SOX5: variants seen among roughly 807,000 people sequenced by gnomAD.
The protein encoded by SOX5 is SRY-box transcription factor 5.
Under a neutral mutation model 92.0 loss-of-function variants are expected in SOX5, and 9 were observed. The observed-to-expected ratio is 0.10, with a 90% CI of 0.06 to 0.17. The LOEUF is 0.17. Ranked by LOEUF, SOX5 falls within the 10% of genes least tolerant of loss-of-function variation. The probability of loss-of-function intolerance (pLI) is 1.00; values close to 1 mark genes in which losing one functional copy is unlikely to be tolerated. For missense variants in SOX5, 642 were observed against 944.5 expected (o/e 0.68, Z 4.20); for synonymous variants, 344 against 336.3 (o/e 1.02, Z -0.25).
intron 4 of SOX5, among the ~76,000 whole-genome samples, chr12:24,174,832 A>C (rs1171169864): frequency 6.6e-6 from 1 of 152,136 alleles, no homozygotes; most frequent in East Asian, 1.9e-4. Flanking sequence ...AAAAAAAAAG[A>C]AAAGAAAAGG....
At chr12:24,182,625 C>T (rs953443738) in intron 4 of SOX5, among the ~76,000 whole-genome samples, 6 of 151,868 alleles carry the variant, frequency 4.0e-5, no homozygotes, top group African/African-American at 1.5e-4. Flanking sequence ...AAGCTTTCTC[C>T]AACGTACTTT....
chr12:23,988,453 A>G (rs1191846638), intron 4 of SOX5, among the ~76,000 whole-genome samples: 1 of 152,218 alleles, frequency 6.6e-6, no homozygotes, highest in Admixed American at 6.5e-5. Flanking sequence ...TTAATGTCTA[A>G]TGCTTTCAGT....
At chr12:24,333,163 T>C (rs903972642) in intron 2 of SOX5, among the ~76,000 whole-genome samples, 12 of 151,968 alleles carry the variant, frequency 7.9e-5, no homozygotes, top group African/African-American at 2.9e-4. Context: ...GATAATGAAA[T>C]ATCAAAAAAC....
At chr12:24,130,264 T>C (rs757780959) in intron 4 of SOX5, among the ~76,000 whole-genome samples, 1 of 152,222 alleles carries the variant, frequency 6.6e-6, no homozygotes, top group East Asian at 1.9e-4. Flanking sequence ...CACATTAGGT[T>C]ACTGAAGAAA....
chr12:23,818,186 G>C (rs1265056424), intron 3 of SOX5, among the ~76,000 whole-genome samples: 1 of 152,112 alleles, frequency 6.6e-6, no homozygotes, highest in Non-Finnish European at 1.5e-5. Flanking sequence ...AATGTGTTAG[G>C]TGATGTTGTC....
intron 4 of SOX5, among the ~76,000 whole-genome samples, chr12:24,026,087 A>C (rs1418137303): frequency 2.0e-5 from 3 of 152,220 alleles, no homozygotes; most frequent in African/African-American, 7.2e-5. Context: ...AGTAAGAAGA[A>C]AACAAAATAC....
intron 1 of SOX5, among the ~76,000 whole-genome samples, chr12:24,531,290 G>C (rs2138652909): frequency 6.6e-6 from 1 of 152,156 alleles, no homozygotes; most frequent in Non-Finnish European, 1.5e-5. Context: ...CTTAATATGA[G>C]ACACAAAAAG....
intron 2 of SOX5, among the ~76,000 whole-genome samples, chr12:24,320,599 C>T (rs1950115273): frequency 6.6e-6 from 1 of 152,088 alleles, no homozygotes; most frequent in Non-Finnish European, 1.5e-5. Flanking sequence ...GGCGCGGTGG[C>T]TCACGCCTGT....
intron 6 of SOX5, among the ~76,000 whole-genome samples, chr12:23,685,247 A>G (rs766905367): frequency 5.9e-5 from 9 of 151,720 alleles, no homozygotes; most frequent in Non-Finnish European, 8.8e-5. Flanking sequence ...TCTTCTTTCT[A>G]TTCTCCTGCT....
At chr12:23,725,274 A>G (rs1468729344) in intron 6 of SOX5, among the ~76,000 whole-genome samples, 1 of 152,200 alleles carries the variant, frequency 6.6e-6, no homozygotes, top group Non-Finnish European at 1.5e-5. Context: ...AGTAATTTAT[A>G]AAGGAAAGAA....
At chr12:23,557,012 CACTT>C (rs1386425964) in intron 11 of SOX5, among the ~76,000 whole-genome samples, 2 of 152,220 alleles carry the variant, frequency 1.3e-5, no homozygotes, top group Admixed American at 6.5e-5. Flanking sequence ...GGGAATGACA[CACTT>C]TTTTTTATTA....
At chr12:23,944,879 A>C (rs1330455447) in intron 1 of SOX5, among the ~76,000 whole-genome samples, 3 of 152,156 alleles carry the variant, frequency 2.0e-5, no homozygotes, top group African/African-American at 7.2e-5. Context: ...CATTGGAACT[A>C]TACGTGAGTT....
At position 24,428,745 on chromosome 12, in the gene SOX5, A is replaced by G. The variant is rs1283611892; in HGVS notation, c.-250-60106T>C. On this transcript the variant is annotated intron_variant, in intron 1 of 4. Transcript: ENST00000446891. The stretch of plus-strand genomic sequence containing the variant: ...GTTTCTCAAAAAAAAAAAAAAAAAA[A>G]AAAAAAAAAAAAAAGCTAATTTCCT... Among the ~76,000 whole-genome samples, 39 of 148,634 alleles carry G rather than the reference A, an allele frequency of 2.6e-4. 2 individuals carry two copies. The highest frequency in any genetic ancestry group is 5.7e-4 in the Non-Finnish European group (38 of 66,942).
At chr12:23,919,528 C>T (rs573314988) in intron 1 of SOX5, among the ~76,000 whole-genome samples, 59 of 152,296 alleles carry the variant, frequency 3.9e-4, no homozygotes, top group Non-Finnish European at 7.3e-4. Flanking sequence ...ACTAAGATAT[C>T]ACACTGAGCT....
intron 2 of SOX5, among the ~76,000 whole-genome samples, chr12:24,279,398 G>T (rs10743497): frequency 0.86 from 130,675 of 152,034 alleles, 57,201 homozygotes; most frequent in South Asian, 0.96. Flanking sequence ...TTTAATTACA[G>T]AGCAGTGAAA....
chr12:23,951,725 A>G (rs1238346954), upstream of SOX5, among the ~76,000 whole-genome samples: 1 of 152,166 alleles, frequency 6.6e-6, no homozygotes, highest in African/African-American at 2.4e-5. Context: ...AGACACTAAC[A>G]AAACATAGAA....
intron 7 of SOX5, among the ~76,000 whole-genome samples, chr12:23,656,745 C>T (rs1328880074): frequency 6.6e-6 from 1 of 151,682 alleles, no homozygotes; most frequent in Non-Finnish European, 1.5e-5. Flanking sequence ...CTACATATTA[C>T]ACATCTATAT....
intron 9 of SOX5, among the ~76,000 whole-genome samples, chr12:23,579,229 C>T (rs1381902086): frequency 6.6e-6 from 1 of 152,122 alleles, no homozygotes; most frequent in Middle Eastern, 3.2e-3. Flanking sequence ...TAGTATTCAC[C>T]TACATTCAAG....
chr12:23,910,910 C>T (rs1314206618), intron 1 of SOX5, among the ~76,000 whole-genome samples: 3 of 152,120 alleles, frequency 2.0e-5, no homozygotes, highest in Admixed American at 2.0e-4. Context: ...TCAGATCCAC[C>T]TCTTCACAAC....
Sources: allele counts gnomAD v4.1 joint callset (sites outside exome capture counted in the v4.1 genomes callset), GRCh38; gene constraint gnomAD v4.1.1; transcripts MANE v1.5; gene names NCBI Gene and HGNC (gene_info 2026-07-23, HGNC 2026-07-21).